ANTXR2: variants seen among roughly 807,000 people sequenced by gnomAD.
The protein encoded by ANTXR2 is ANTXR cell adhesion molecule 2.
ANTXR2 carries 44 observed loss-of-function variants against 73.7 expected under a neutral mutation model. The observed-to-expected ratio is 0.60, with a 90% CI of 0.47 to 0.77. The LOEUF (loss-of-function observed/expected upper bound fraction) is 0.77, where lower values mean the gene tolerates loss of function less well. Among genes scored for constraint, ANTXR2 ranks in the 30% least tolerant of loss-of-function variants. ANTXR2 has a pLI of 0.00. For synonymous variants in ANTXR2, 217 were observed against 205.9 expected, an observed-to-expected ratio of 1.05 and a Z score of -0.46; for missense variants, 604 against 592.5, an observed-to-expected ratio of 1.02 and a Z score of -0.20.
In ANTXR2 at chr4:79,903,734, A is replaced by G. The variant is rs4611863; in HGVS notation, c.*3695T>C. ...ACTTTATTTCCTACAAATAGACAACATTCTCCAGCCTCACCTGCCTGTTTC... is the reference window on the plus strand; with the variant it reads ...ACTTTATTTCCTACAAATAGACAACGTTCTCCAGCCTCACCTGCCTGTTTC... On this transcript the variant is annotated 3_prime_UTR_variant, in exon 17 of 17. Transcript: ENST00000403729. 149,659 of 152,288 alleles carry G rather than the reference A, an allele frequency of 0.98. 73,591 individuals are homozygous for G. Among genetic ancestry groups the G allele is most frequent in the East Asian group, 1 (5,184 of 5,184 alleles). The allele number at this position is 152,288 out of a possible 1,614,324, so 9.4% of individuals were successfully genotyped here. A position where few individuals can be genotyped will look rare whatever the true frequency, so the allele number is the denominator to read the frequency against.
At chr4:79,947,114 C>T (rs1728543431) in intron 16 of ANTXR2, among the ~76,000 whole-genome samples, 1 of 152,114 alleles carries the variant, frequency 6.6e-6, no homozygotes, top group Non-Finnish European at 1.5e-5. Context: ...GTTTTAAGGG[C>T]ATTAAGATAA....
chr4:79,984,924 G>C (rs1468358078), intron 12 of ANTXR2, 61 bp from the exon 13 acceptor site: 2 of 1,333,400 alleles, frequency 1.5e-6, no homozygotes, highest in East Asian at 2.5e-5. Context: ...GTAAGGATGT[G>C]TAAAAATAAT....
intron 11 of ANTXR2, among the ~76,000 whole-genome samples, chr4:80,016,326 C>T (rs976215941): frequency 1.9e-4 from 29 of 152,184 alleles, no homozygotes; most frequent in Middle Eastern, 3.4e-3. Context: ...TTCGTCAACA[C>T]ATCCCCACCC....
intron 7 of ANTXR2, among the ~76,000 whole-genome samples, chr4:80,041,034 G>A (rs531514547): frequency 1.4e-4 from 22 of 152,068 alleles, no homozygotes; most frequent in African/African-American, 5.1e-4. Context: ...CATTCATTGG[G>A]CACTTATGTT....
intron 12 of ANTXR2, among the ~76,000 whole-genome samples, chr4:79,993,158 A>T (rs1368050110): frequency 1.3e-5 from 2 of 152,038 alleles, no homozygotes; most frequent in Non-Finnish European, 2.9e-5. Context: ...AGTATTTAAT[A>T]GAATGTCTAG....
At chr4:80,002,733 A>G (rs1246808027) in intron 12 of ANTXR2, among the ~76,000 whole-genome samples, 2 of 152,112 alleles carry the variant, frequency 1.3e-5, no homozygotes, top group African/African-American at 2.4e-5. Flanking sequence ...CAACAACCCT[A>G]TCAAAAAGTG....
At chr4:79,926,299 T>A (rs1445127332) in intron 16 of ANTXR2, among the ~76,000 whole-genome samples, 1 of 152,126 alleles carries the variant, frequency 6.6e-6, no homozygotes, top group Non-Finnish European at 1.5e-5. Flanking sequence ...ACCATTTCTA[T>A]AAAAAAGTTT....
chr4:79,980,921 T>TAAAAAAAAA (rs11397721), intron 14 of ANTXR2, among the ~76,000 whole-genome samples: 19 of 137,570 alleles, frequency 1.4e-4, no homozygotes, highest in African/African-American at 4.4e-4. Context: ...TTAAGGGCTT[T>TAAAAAAAAA]AAAAAAAAAA....
At chr4:79,915,829 C>CT (rs1727324028) in intron 16 of ANTXR2, among the ~76,000 whole-genome samples, 1 of 132,948 alleles carries the variant, frequency 7.5e-6, no homozygotes, top group Non-Finnish European at 1.6e-5. Flanking sequence ...TGTCTCTCTC[C>CT]CTCTCTCTCT....
rs1732697889 is a variant in ANTXR2, at chr4:80,031,605, T to C, written c.866+18A>G. 6.9e-7 allele frequency: 1 copy of C among 1,454,402 alleles called. No homozygotes were observed. Among genetic ancestry groups the C allele is most frequent in the Non-Finnish European group, 9.1e-7 (1 of 1,098,128 alleles). The allele number at this position is 1,454,402 out of a possible 1,614,324, so 90.1% of individuals were successfully genotyped here. ...TTTACTAAAAATGTTATAAAATTGT[T>C]TTAAATTAAGTACTTACTCTCCAGC... On this transcript the variant is annotated intron_variant, in intron 10 of 16. Transcript: ENST00000403729.
intron 16 of ANTXR2, among the ~76,000 whole-genome samples, chr4:79,943,747 T>TAATAAA (rs1728406413): frequency 6.6e-6 from 1 of 150,412 alleles, no homozygotes; most frequent in African/African-American, 2.5e-5. Context: ...AAAAAAAAAA[T>TAATAAA]AAATAAAAAA....
At chr4:80,023,457 G>C (rs769171370) in intron 10 of ANTXR2, among the ~76,000 whole-genome samples, 1 of 152,180 alleles carries the variant, frequency 6.6e-6, no homozygotes, top group Non-Finnish European at 1.5e-5. Flanking sequence ...TAATTGGGCT[G>C]TACTTGGTAA....
intron 3 of ANTXR2, among the ~76,000 whole-genome samples, chr4:80,068,527 G>A (rs984922051): frequency 6.6e-5 from 10 of 152,154 alleles, no homozygotes. Flanking sequence ...CCAGAACTTT[G>A]GGAGGTCAAG....
chr4:80,061,197 T>C (rs1002376986), intron 3 of ANTXR2, among the ~76,000 whole-genome samples: 1 of 152,166 alleles, frequency 6.6e-6, no homozygotes, highest in African/African-American at 2.4e-5. Flanking sequence ...CAGTTTCATG[T>C]TCATGTCTGC....
At chr4:79,935,297 C>A (rs953272268) in intron 16 of ANTXR2, among the ~76,000 whole-genome samples, 1 of 147,990 alleles carries the variant, frequency 6.8e-6, no homozygotes, top group Admixed American at 6.7e-5. Flanking sequence ...TTTCAGCAGT[C>A]CCCCCACCCC....
intron 6 of ANTXR2, among the ~76,000 whole-genome samples, 183 bp from the exon 7 acceptor site, chr4:80,054,535 C>A (rs1041109980): frequency 2.0e-5 from 3 of 151,666 alleles, no homozygotes; most frequent in Admixed American, 6.6e-5. Context: ...AAATGTATTA[C>A]CACAAAATGA....
At chr4:79,980,543 A>T (rs770928984) in intron 14 of ANTXR2, among the ~76,000 whole-genome samples, 5 of 152,222 alleles carry the variant, frequency 3.3e-5, no homozygotes, top group African/African-American at 4.8e-5. Context: ...GGCTTTCATT[A>T]TAAGCAATAA....
intron 7 of ANTXR2, among the ~76,000 whole-genome samples, chr4:80,046,280 T>C (rs1407411607): frequency 6.6e-6 from 1 of 151,766 alleles, no homozygotes; most frequent in Non-Finnish European, 1.5e-5. Flanking sequence ...TTAGCAGTCT[T>C]GCTGTTTCAT....
At chr4:80,022,249 T>C (rs1041484695) in intron 10 of ANTXR2, among the ~76,000 whole-genome samples, 1 of 152,232 alleles carries the variant, frequency 6.6e-6, no homozygotes, top group Non-Finnish European at 1.5e-5. Context: ...GCATTTACTA[T>C]ATGCTAAAGC....
Sources: gnomAD v4.1 joint callset for allele counts (sites outside exome capture counted in the v4.1 genomes callset) on GRCh38, gnomAD v4.1.1 for gene constraint, MANE v1.5 for transcripts, NCBI Gene and HGNC (gene_info 2026-07-23, HGNC 2026-07-21) for gene names.